Variants in SLC13A3 observed in about 807,000 individuals in gnomAD.
The protein encoded by SLC13A3 is Na(+)/dicarboxylate cotransporter 3.
In SLC13A3, 40 loss-of-function variants were observed where a neutral mutation model predicts 59.0. The ratio of observed to expected loss-of-function variants is 0.68; its 90% CI spans 0.53 to 0.88. The LOEUF is 0.88. Among genes scored for constraint, SLC13A3 ranks in the 40% least tolerant of loss-of-function variants. The pLI is 0.00. For synonymous variants in SLC13A3, 317 were observed against 330.3 expected (o/e 0.96, Z 0.44); for missense variants, 699 against 783.2 (o/e 0.89, Z 1.28).
chr20:46,606,810 G>T (rs905419993), intron 3 of SLC13A3, among the ~76,000 whole-genome samples: 1 of 152,232 alleles, frequency 6.6e-6, no homozygotes, highest in African/African-American at 2.4e-5. Context: ...CATGCTAATA[G>T]TGCCTCCCCA....
chr20:46,563,935 G>C (rs1222801385), intron 11 of SLC13A3, among the ~76,000 whole-genome samples: 1 of 152,180 alleles, frequency 6.6e-6, no homozygotes. Flanking sequence ...TCCAATGTGA[G>C]AGTGCAGAAA....
chr20:46,589,480 C>T (rs866402178), intron 6 of SLC13A3, among the ~76,000 whole-genome samples: 1 of 152,176 alleles, frequency 6.6e-6, no homozygotes, highest in African/African-American at 2.4e-5. Flanking sequence ...GACTTCCAGG[C>T]TTAAAATCCA....
At chr20:46,576,134 C>A (rs751023387) in intron 9 of SLC13A3, among the ~76,000 whole-genome samples, 1 of 151,806 alleles carries the variant, frequency 6.6e-6, no homozygotes, top group East Asian at 1.9e-4. Flanking sequence ...CAAGTGGCAG[C>A]GCTGCAGTGG....
At chr20:46,561,357 G>A (rs78681519) in intron 12 of SLC13A3, among the ~76,000 whole-genome samples, 2,287 of 152,266 alleles carry the variant, frequency 0.015, 24 homozygotes, top group Non-Finnish European at 0.024. Context: ...ACAGGCGTAT[G>A]TCCTTAACTT....
intron 1 of SLC13A3, among the ~76,000 whole-genome samples, chr20:46,661,942 A>G (rs1186152879): frequency 1.3e-5 from 2 of 152,180 alleles, no homozygotes; most frequent in African/African-American, 4.8e-5. Flanking sequence ...TTGGTGTAAT[A>G]TCCCGCACTT....
intron 5 of SLC13A3, among the ~76,000 whole-genome samples, chr20:46,594,692 C>CT (rs1379902015): frequency 6.6e-6 from 1 of 151,804 alleles, no homozygotes; most frequent in Non-Finnish European, 1.5e-5. Flanking sequence ...TGCAGTAAAA[C>CT]TCAGTGGGCT....
Position 46,560,123 on chromosome 20 carries a change from T to C in SLC13A3, c.1708A>G (p.Ile570Val). 1 of 1,614,184 alleles carries C rather than the reference T, an allele frequency of 6.2e-7. No individual in the cohort carries two copies. Among genetic ancestry groups the C allele is most frequent in the Non-Finnish European group, 8.5e-7 (1 of 1,180,026 alleles). ...SLAMNTWAQT[I>V]FQLGTFPDWA... ...TCCGGGAAGGTGCCCAGCTGGAAGA[T>C]GGTCTGTGCCCAGGTATTCATAGCC... The change falls in exon 13 of 13, where the codon ATC becomes GTC. Residue 570 changes from isoleucine (I) to valine (V), a missense_variant. By Grantham distance (29) the Ile-to-Val change is conservative. Transcript: ENST00000279027.
chr20:46,640,578 G>A (rs2062837909), intron 1 of SLC13A3, among the ~76,000 whole-genome samples: 1 of 152,290 alleles, frequency 6.6e-6, no homozygotes, highest in South Asian at 2.1e-4. Context: ...CACCTACTGC[G>A]TGTCAGCACC....
rs140456394 is a variant in SLC13A3 at position 46,582,879 on chromosome 20, G to A, written c.1219+693C>T. 1.6e-3 allele frequency: 1,588 copies of A among 985,398 alleles called. 29 individuals are homozygous for A. The African/African-American group carries it at 0.026, about 16-fold the overall frequency. The allele number at this position is 985,398 out of a possible 1,614,324, so 61.0% of individuals were successfully genotyped here. A position where few individuals can be genotyped will look rare whatever the true frequency, so the allele number is the denominator to read the frequency against. ...CATCTGCTGGACACCGGAGGGAGTC[G>A]CAAGCTGGCAATCTGAAGGCCACAG... On this transcript the variant is annotated intron_variant, in intron 9 of 12. Transcript: ENST00000279027.
intron 12 of SLC13A3, among the ~76,000 whole-genome samples, chr20:46,561,303 A>C (rs540694927): frequency 6.6e-6 from 1 of 152,222 alleles, no homozygotes; most frequent in South Asian, 2.1e-4. Flanking sequence ...GCTGTGCTCC[A>C]CCCACCTTGG....
intron 6 of SLC13A3, 63 bp downstream of exon 6, chr20:46,592,341 C>G: frequency 6.3e-7 from 1 of 1,594,166 alleles, no homozygotes; most frequent in Non-Finnish European, 8.6e-7. Context: ...TAGGCAGATA[C>G]TGAGGTTAGA....
At chr20:46,598,424 C>G (rs2062337486) in intron 4 of SLC13A3, among the ~76,000 whole-genome samples, 1 of 152,148 alleles carries the variant, frequency 6.6e-6, no homozygotes, top group South Asian at 2.1e-4. Context: ...AGAGCAAACA[C>G]TTTTTTGTTC....
intron 6 of SLC13A3, among the ~76,000 whole-genome samples, chr20:46,589,652 T>C (rs926919310): frequency 2.0e-5 from 3 of 152,156 alleles, no homozygotes; most frequent in Admixed American, 1.3e-4. Context: ...GTATCAGACA[T>C]ATAGATCAAT....
intron 3 of SLC13A3, among the ~76,000 whole-genome samples, chr20:46,609,824 G>A (rs191963340): frequency 1.5e-3 from 232 of 152,272 alleles, no homozygotes; most frequent in African/African-American, 5.2e-3. Context: ...CACAGAGAGC[G>A]CTACAGTGAA....
chr20:46,574,086 C>A (rs186458504), intron 10 of SLC13A3, among the ~76,000 whole-genome samples: 3 of 152,252 alleles, frequency 2.0e-5, no homozygotes, highest in Non-Finnish European at 4.4e-5. Context: ...ATTTAGCCTC[C>A]TTTTGCCTCC....
intron 3 of SLC13A3, among the ~76,000 whole-genome samples, chr20:46,609,864 A>C (rs2062475725): frequency 6.6e-6 from 1 of 152,172 alleles, no homozygotes; most frequent in African/African-American, 2.4e-5. Context: ...TCCTGGACCT[A>C]TAGGAGAATT....
chr20:46,587,961 C>T lies in SLC13A3; in HGVS notation c.1121+98G>A, dbSNP rs2062210881. On this transcript the variant is annotated intron_variant, in intron 8 of 12. Transcript: ENST00000279027. ...GGGACAAAAGATGGAAACTTGGATG[C>T]GTGTCTCCCCAGCTGCACTGCCGCC... The T allele has an allele frequency of 1.7e-5, 10 of 571,730 alleles. 1 individual carries two copies. Among genetic ancestry groups the T allele is most frequent in the South Asian group, 7.7e-5 (3 of 38,816 alleles). The allele number at this position is 571,730 out of a possible 1,614,324, so 35.4% of individuals were successfully genotyped here.
intron 6 of SLC13A3, among the ~76,000 whole-genome samples, chr20:46,589,794 A>G (rs847088): frequency 5.3e-5 from 8 of 152,018 alleles, no homozygotes; most frequent in Non-Finnish European, 1.0e-4. Flanking sequence ...CTGGACAGCC[A>G]TGTGGAAAAG....
intron 9 of SLC13A3, among the ~76,000 whole-genome samples, chr20:46,577,052 T>C (rs79882899): frequency 1.3e-5 from 1 of 79,922 alleles, no homozygotes; most frequent in Non-Finnish European, 2.7e-5. Context: ...AGCCCACAGG[T>C]GTATGCAGTC....
Sources: gnomAD v4.1 joint callset for allele counts (sites outside exome capture counted in the v4.1 genomes callset) on GRCh38, gnomAD v4.1.1 for gene constraint, MANE v1.5 for transcripts, NCBI Gene and HGNC (gene_info 2026-07-23, HGNC 2026-07-21) for gene names.